The following WDFY4 variants were observed in gnomAD, a reference collection of about 807,000 sequenced individuals.
WDFY4 encodes the protein WD repeat- and FYVE domain-containing protein 4.
WDFY4 carries 169 observed loss-of-function variants against 351.9 expected under a neutral mutation model. That is an observed-to-expected ratio of 0.48 (90% CI 0.42 to 0.55). The LOEUF is 0.55. WDFY4 is among the 20% of genes least tolerant of loss of function. The pLI, the probability that WDFY4 is intolerant of heterozygous loss-of-function variation, is 0.00. For missense variants in WDFY4, 3,803 were observed against 3,935.6 expected, an observed-to-expected ratio of 0.97 and a Z score of 0.90; for synonymous variants, 1,622 against 1,574.6, an observed-to-expected ratio of 1.03 and a Z score of -0.71.
intron 32 of WDFY4, 40 bp from the exon 33 acceptor site, chr10:48,820,194 C>G: frequency 6.5e-7 from 1 of 1,546,480 alleles, no homozygotes; most frequent in African/African-American, 1.4e-5. Flanking sequence ...GAGCTTGAGG[C>G]AGGGCAGGCC....
At chr10:48,819,587 T>C (rs1174221260) in intron 32 of WDFY4, among the ~76,000 whole-genome samples, 1 of 152,222 alleles carries the variant, frequency 6.6e-6, no homozygotes, top group African/African-American at 2.4e-5. Flanking sequence ...AGCATCTCTG[T>C]GTCCTCCTGG....
At chr10:48,803,394 T>C in intron 25 of WDFY4, 35 bp downstream of exon 25, 1 of 1,545,522 alleles carries the variant, frequency 6.5e-7, no homozygotes, top group Non-Finnish European at 8.8e-7. Context: ...GGGTTAGAAC[T>C]GAAGGCTGAA....
intron 39 of WDFY4, among the ~76,000 whole-genome samples, chr10:48,847,862 C>T (rs763065382): frequency 2.6e-5 from 4 of 152,118 alleles, no homozygotes; most frequent in Admixed American, 1.3e-4. Flanking sequence ...TAGAAACCAC[C>T]GTTCATCTCA....
chr10:48,886,116 A>G (rs1277359379), intron 43 of WDFY4, among the ~76,000 whole-genome samples: 1 of 152,216 alleles, frequency 6.6e-6, no homozygotes, highest in Non-Finnish European at 1.5e-5. Flanking sequence ...GGGAATGCAT[A>G]TATTGGCAGC....
At chr10:48,900,972 T>TA (rs1250592415) in intron 46 of WDFY4, among the ~76,000 whole-genome samples, 1 of 152,102 alleles carries the variant, frequency 6.6e-6, no homozygotes, top group Non-Finnish European at 1.5e-5. Flanking sequence ...AGGGAGTGGT[T>TA]ATGTGCTGCT....
intron 12 of WDFY4, among the ~76,000 whole-genome samples, chr10:48,755,215 G>A (rs549483950): frequency 1.3e-5 from 2 of 152,176 alleles, no homozygotes; most frequent in African/African-American, 4.8e-5. Context: ...TCAGCATAAG[G>A]CCTTTCAGAT....
At chr10:48,710,808 A>T (rs903824937) in intron 2 of WDFY4, among the ~76,000 whole-genome samples, 10 of 152,332 alleles carry the variant, frequency 6.6e-5, no homozygotes, top group African/African-American at 2.4e-4. Context: ...CAGCGCATCT[A>T]CTGGGTCTGC....
chr10:48,710,998 C>T (rs372954240), intron 2 of WDFY4, among the ~76,000 whole-genome samples: 12 of 152,266 alleles, frequency 7.9e-5, no homozygotes, highest in African/African-American at 2.9e-4. Flanking sequence ...TTTTGAAAAG[C>T]GTATACCTAC....
chr10:48,897,883 G>T (rs996197327), intron 45 of WDFY4, among the ~76,000 whole-genome samples: 9 of 152,196 alleles, frequency 5.9e-5, no homozygotes, highest in African/African-American at 2.2e-4. Flanking sequence ...TGGAGATTTA[G>T]GAATACAGGG....
chr10:48,881,372 A>T (rs2070241405), intron 43 of WDFY4, among the ~76,000 whole-genome samples: 1 of 152,128 alleles, frequency 6.6e-6, no homozygotes, highest in Non-Finnish European at 1.5e-5. Context: ...GCTTGGATAG[A>T]TGGGAAACTC....
intron 57 of WDFY4, among the ~76,000 whole-genome samples, chr10:48,974,407 T>C (rs1290420905): frequency 6.9e-6 from 1 of 144,252 alleles, no homozygotes; most frequent in South Asian, 2.1e-4. Context: ...GGGAGGCTGA[T>C]GCAAAAGAAT....
At chr10:48,748,714 G>A (rs1043723177) in intron 12 of WDFY4, among the ~76,000 whole-genome samples, 1 of 152,102 alleles carries the variant, frequency 6.6e-6, no homozygotes, top group Non-Finnish European at 1.5e-5. Context: ...GAGATACATG[G>A]CCCTTGACCT....
intron 47 of WDFY4, among the ~76,000 whole-genome samples, chr10:48,919,520 T>A (rs1200762904): frequency 6.6e-6 from 1 of 152,238 alleles, no homozygotes; most frequent in Non-Finnish European, 1.5e-5. Flanking sequence ...AGTTGGCTTG[T>A]AAGCAACATA....
At chr10:48,981,915 T>C (rs1842823397) in intron 61 of WDFY4, among the ~76,000 whole-genome samples, 1 of 152,200 alleles carries the variant, frequency 6.6e-6, no homozygotes. Flanking sequence ...TCCCGACACT[T>C]CATACCCGTT....
At chr10:48,794,439 T>A (rs190107869) in intron 23 of WDFY4, among the ~76,000 whole-genome samples, 39 of 152,154 alleles carry the variant, frequency 2.6e-4, no homozygotes, top group South Asian at 2.3e-3. Context: ...GAAGGTGAAG[T>A]ATCATGTGGG....
intron 21 of WDFY4, among the ~76,000 whole-genome samples, chr10:48,789,616 G>A (rs147107079): frequency 1.3e-5 from 2 of 152,352 alleles, no homozygotes; most frequent in African/African-American, 4.8e-5. Context: ...CTGTGAGCAC[G>A]TGGGACACTG....
At chr10:48,947,444 C>A (rs1352781311) in intron 51 of WDFY4, among the ~76,000 whole-genome samples, 5 of 152,228 alleles carry the variant, frequency 3.3e-5, no homozygotes, top group African/African-American at 1.2e-4. Flanking sequence ...CATACGCTAA[C>A]AGACCATTAT....
intron 47 of WDFY4, among the ~76,000 whole-genome samples, chr10:48,933,881 A>G (rs1484156215): frequency 2.0e-5 from 3 of 152,094 alleles, no homozygotes; most frequent in Admixed American, 6.6e-5. Context: ...AGGGCCTGAC[A>G]TCACCCTTGA....
At chr10:48,799,828 G>T (rs919489390) in intron 24 of WDFY4, among the ~76,000 whole-genome samples, 2 of 152,244 alleles carry the variant, frequency 1.3e-5, no homozygotes, top group Non-Finnish European at 2.9e-5. Flanking sequence ...AGTGGAGGCA[G>T]TCAGTGGACT....
Sources: allele counts gnomAD v4.1 joint callset (sites outside exome capture counted in the v4.1 genomes callset), GRCh38; gene constraint gnomAD v4.1.1; transcripts MANE v1.5; gene names NCBI Gene and HGNC (gene_info 2026-07-23, HGNC 2026-07-21).